Variants in FHDC1 observed in about 807,000 individuals in gnomAD.
The protein encoded by FHDC1 is FH2 domain containing 1.
FHDC1 carries 25 observed loss-of-function variants against 52.6 expected under a neutral mutation model. That is an observed-to-expected ratio of 0.48 (90% CI 0.35 to 0.66). The LOEUF (loss-of-function observed/expected upper bound fraction) is 0.66, where lower values mean the gene tolerates loss of function less well. FHDC1 is among the 30% of genes least tolerant of loss of function. FHDC1 has a pLI of 0.01. For synonymous variants in FHDC1, 616 were observed against 581.5 expected (o/e 1.06, Z -0.85); for missense variants, 1,459 against 1,452.8 (o/e 1.00, Z -0.07).
chr4:152,926,579 TAAA>T, the FHDC1 span, among the ~76,000 whole-genome samples: 16 of 129,022 alleles, frequency 1.2e-4, no homozygotes, highest in Admixed American at 1.6e-4. Context: ...CTTGGTTAGT[TAAA>T]AAAAAAAAAA....
At chr4:152,949,090 G>GTAA (rs368429472) in intron 2 of FHDC1, among the ~76,000 whole-genome samples, 2,501 of 117,408 alleles carry the variant, frequency 0.021, 36 homozygotes, top group Non-Finnish European at 0.029. Context: ...CCTTGTCTCA[G>GTAA]TAATAATAAT....
intron 4 of FHDC1, 146 bp from the exon 5 acceptor site, chr4:152,960,419 G>C (rs1213667383): frequency 2.6e-6 from 2 of 758,274 alleles, no homozygotes; most frequent in East Asian, 2.7e-5. Flanking sequence ...CAGATGGGAG[G>C]ATTTCCTTTT....
rs1165459004 is a variant in FHDC1, at chr4:152,954,317, G to A, written c.661G>A (p.Glu221Lys). ...TCTTAAGTTTTTGCCAGAGTCAGAA[G>A]AGGTAAGAAATTCAGCGCATGAGTT... ...EFLKFLPESE[E>K]VKKLKAFSGD... is the part of the protein sequence containing the mutation. The change falls in exon 4 of 12, where the codon GAG (glutamate) becomes AAG (lysine). Residue 221 changes from glutamate (E) to lysine (K), a missense_variant and splice_region_variant. Glu to Lys is a moderately conservative substitution (Grantham distance 56). Coordinates refer to ENST00000511601, the MANE Select transcript of FHDC1 (RefSeq NM_001371116.1). The A allele has an allele frequency of 1.2e-6, 2 of 1,612,910 alleles. No individual in the cohort carries two copies. The highest frequency in any genetic ancestry group is 1.7e-6 in the Non-Finnish European group (2 of 1,178,896).
chr4:152,967,521 A>G (rs185025117), intron 9 of FHDC1, among the ~76,000 whole-genome samples: 272 of 152,282 alleles, frequency 1.8e-3, no homozygotes, highest in Non-Finnish European at 3.4e-3. Context: ...TGCTATTTTC[A>G]TGGAATCTGC....
At chr4:152,972,674 T>C in intron 11 of FHDC1, 133 bp downstream of exon 11, 2 of 1,078,724 alleles carry the variant, frequency 1.9e-6, no homozygotes, top group South Asian at 1.7e-5. Context: ...CCAGGTGGTA[T>C]TGCCAGGCTC....
chr4:152,959,974 C>T (rs1357261553), intron 4 of FHDC1, among the ~76,000 whole-genome samples: 1 of 152,078 alleles, frequency 6.6e-6, no homozygotes, highest in South Asian at 2.1e-4. Context: ...TCCTATTTGT[C>T]TTCCTGCTGA....
the FHDC1 span, among the ~76,000 whole-genome samples, chr4:152,916,152 T>C: frequency 6.6e-6 from 1 of 151,802 alleles, no homozygotes; most frequent in Non-Finnish European, 1.5e-5. Flanking sequence ...AAAAAAAAAA[T>C]TAGTAATACT....
chr4:152,934,628 T>C (rs576817591), upstream of FHDC1, among the ~76,000 whole-genome samples: 2 of 152,314 alleles, frequency 1.3e-5, no homozygotes, highest in African/African-American at 2.4e-5. Flanking sequence ...AGGTATTTCT[T>C]TGGGATACTG....
At chr4:152,970,239 C>T (rs1023906866) in intron 10 of FHDC1, among the ~76,000 whole-genome samples, 6 of 152,196 alleles carry the variant, frequency 3.9e-5, no homozygotes, top group Non-Finnish European at 7.3e-5. Context: ...ACTGAGTAAA[C>T]TTGTTTGAAA....
At chr4:152,921,949 T>C in the FHDC1 span, among the ~76,000 whole-genome samples, 1 of 151,950 alleles carries the variant, frequency 6.6e-6, no homozygotes, top group Non-Finnish European at 1.5e-5. Flanking sequence ...TTAAAAGAAC[T>C]AGAGAAGCAA....
chr4:152,970,571 A>G (rs560756309), intron 10 of FHDC1, among the ~76,000 whole-genome samples: 2 of 152,222 alleles, frequency 1.3e-5, no homozygotes, highest in East Asian at 3.9e-4. Flanking sequence ...CAAGAGGCCT[A>G]TTTTTCTGCA....
At chr4:152,928,501 A>G in the FHDC1 span, among the ~76,000 whole-genome samples, 6 of 152,240 alleles carry the variant, frequency 3.9e-5, no homozygotes, top group Non-Finnish European at 8.8e-5. Flanking sequence ...AAAATGCCCT[A>G]GGAGAATAGG....
Position 152,943,251 on chromosome 4 carries a change from CACTTCCTGGGGAG to C in FHDC1, c.195_207del (p.Gly68SerfsTer14). 6.2e-7 allele frequency: 1 copy of C among 1,608,108 alleles called. No homozygotes were observed. Among genetic ancestry groups the C allele is most frequent in the Non-Finnish European group, 8.5e-7 (1 of 1,176,788 alleles). Reference sequence around the variant, plus strand: ...TCCCCTCCTCCACCCCCACCACCTCCACTTCCTGGGGAGCCTCCCATCCCACCTCCCCCACCAG... The same window carrying C: ...TCCCCTCCTCCACCCCCACCACCTCCCCTCCCATCCCACCTCCCCCACCAG... On this transcript the variant is annotated frameshift_variant, in exon 2 of 12. Transcript: ENST00000511601. LOFTEE classifies it high-confidence loss of function.
intron 10 of FHDC1, among the ~76,000 whole-genome samples, chr4:152,968,844 G>A (rs1740547426): frequency 6.6e-6 from 1 of 152,126 alleles, no homozygotes; most frequent in Admixed American, 6.5e-5. Flanking sequence ...TAGAACTTGG[G>A]CTGTCATTTC....
At chr4:152,942,809 G>GGT in intron 1 of FHDC1, 119 bp from the exon 2 acceptor site, 1 of 443,040 alleles carries the variant, frequency 2.3e-6, no homozygotes, top group Non-Finnish European at 4.0e-6. Flanking sequence ...GGGATGTGTT[G>GGT]CCCCTCATTG....
chr4:152,968,438 G>C (rs1740532618), intron 10 of FHDC1, among the ~76,000 whole-genome samples: 1 of 152,066 alleles, frequency 6.6e-6, no homozygotes, highest in Admixed American at 6.6e-5. Context: ...CAATTCTCCT[G>C]CCTCAGCCTC....
the FHDC1 span, among the ~76,000 whole-genome samples, chr4:152,914,159 T>C: frequency 6.6e-6 from 1 of 152,250 alleles, no homozygotes; most frequent in African/African-American, 2.4e-5. Context: ...GTTCCTTTAC[T>C]ATTTTTACAG....
intron 1 of FHDC1, among the ~76,000 whole-genome samples, chr4:152,937,457 T>TTCCAGCGTGGGCCC (rs1246802171): frequency 4.0e-5 from 6 of 151,874 alleles, no homozygotes; most frequent in Non-Finnish European, 8.8e-5. Flanking sequence ...AGCGTGGGCT[T>TTCCAGCGTGGGCCC]TCCAGCGTGG....
chr4:152,965,067 A>G, intron 9 of FHDC1, 92 bp downstream of exon 9: 3 of 1,255,238 alleles, frequency 2.4e-6, no homozygotes, highest in Non-Finnish European at 3.4e-6. Context: ...TTTGAAGTCT[A>G]AAAGGTTTTG....
Sources: allele counts gnomAD v4.1 joint callset (sites outside exome capture counted in the v4.1 genomes callset), GRCh38; gene constraint gnomAD v4.1.1; transcripts MANE v1.5; gene names NCBI Gene and HGNC (gene_info 2026-07-23, HGNC 2026-07-21).